Variants in MTUS2 observed in about 807,000 individuals in gnomAD.
MTUS2 encodes microtubule-associated tumor suppressor candidate 2.
MTUS2 carries 40 observed loss-of-function variants against 114.1 expected under a neutral mutation model. That is an observed-to-expected ratio of 0.35 (90% CI 0.27 to 0.46). The LOEUF (loss-of-function observed/expected upper bound fraction) is 0.46. Ranked by LOEUF, MTUS2 falls within the 20% of genes least tolerant of loss-of-function variation. The probability of loss-of-function intolerance (pLI) is 1.00; values close to 1 mark genes in which losing one functional copy is unlikely to be tolerated. For missense variants in MTUS2, 1,679 were observed against 1,705.4 expected, an observed-to-expected ratio of 0.98 and a Z score of 0.27; for synonymous variants, 688 against 672.0, an observed-to-expected ratio of 1.02 and a Z score of -0.37.
chr13:29,497,020 G>C (rs970809463), intron 12 of MTUS2, among the ~76,000 whole-genome samples: 1 of 152,112 alleles, frequency 6.6e-6, no homozygotes, highest in African/African-American at 2.4e-5. Flanking sequence ...TCCTGACAAA[G>C]CACTAAGAAG....
At chr13:28,976,292 G>T (rs1884103608) in intron 2 of MTUS2, among the ~76,000 whole-genome samples, 1 of 151,798 alleles carries the variant, frequency 6.6e-6, no homozygotes, top group Non-Finnish European at 1.5e-5. Context: ...CACAGCATGA[G>T]TTGAGGCAGA....
At chr13:29,495,339 CAG>C (rs1424518089) in intron 12 of MTUS2, among the ~76,000 whole-genome samples, 1 of 105,328 alleles carries the variant, frequency 9.5e-6, no homozygotes, top group African/African-American at 3.9e-5. Flanking sequence ...ACCTGGGTGA[CAG>C]AGTGAGTCTT....
chr13:29,067,363 G>T (rs1005866666), intron 4 of MTUS2, among the ~76,000 whole-genome samples: 1 of 152,110 alleles, frequency 6.6e-6, no homozygotes, highest in Non-Finnish European at 1.5e-5. Context: ...GGAGACACCA[G>T]GAAAATGTAG....
At chr13:29,091,638 G>A (rs979447426) in intron 4 of MTUS2, among the ~76,000 whole-genome samples, 6 of 152,158 alleles carry the variant, frequency 3.9e-5, no homozygotes, top group African/African-American at 1.4e-4. Flanking sequence ...AGTTGTCACA[G>A]GGTAATCTTT....
chr13:29,217,480 A>T (rs1305679476), intron 5 of MTUS2, among the ~76,000 whole-genome samples: 1 of 152,206 alleles, frequency 6.6e-6, no homozygotes, highest in Non-Finnish European at 1.5e-5. Flanking sequence ...CATTATGTCT[A>T]AAAAATATAC....
At chr13:28,993,489 C>T (rs1004882626) in intron 2 of MTUS2, among the ~76,000 whole-genome samples, 7 of 152,118 alleles carry the variant, frequency 4.6e-5, no homozygotes, top group African/African-American at 1.7e-4. Context: ...TAATTAGGTC[C>T]CTCTTGAGGG....
intron 8 of MTUS2, among the ~76,000 whole-genome samples, chr13:29,415,073 T>A (rs1039075017): frequency 2.0e-5 from 3 of 151,618 alleles, no homozygotes; most frequent in Admixed American, 6.6e-5. Flanking sequence ...ATAGGCTTCC[T>A]GAATTTTTCA....
rs1890209178 is a variant in MTUS2 at position 29,097,075 on chromosome 13, C to T, written c.2447-3698C>T. Among the ~76,000 whole-genome samples the T allele has an allele frequency of 2.6e-5, 4 of 152,224 alleles. No individual in the cohort carries two copies. In the South Asian group the frequency reaches 8.3e-4, roughly 32 times the overall value. ...AGAATTGGTGGTGGCCTGCCCATCC[C>T]AGGAAGATACTATAGTCCTTGACTC... On this transcript the variant is annotated intron_variant, in intron 4 of 15. Transcript: ENST00000612955.
At chr13:28,935,919 A>G (rs1881877651) in intron 2 of MTUS2, among the ~76,000 whole-genome samples, 1 of 151,964 alleles carries the variant, frequency 6.6e-6, no homozygotes, top group East Asian at 1.9e-4. Flanking sequence ...GCTAATTTTT[A>G]AACTTTTTGT....
intron 6 of MTUS2, among the ~76,000 whole-genome samples, chr13:29,313,653 A>T (rs1416254502): frequency 6.6e-6 from 1 of 152,228 alleles, no homozygotes; most frequent in Non-Finnish European, 1.5e-5. Context: ...ATGAAGCAAC[A>T]TATCAAGAAA....
At chr13:29,067,762 G>C (rs1386061091) in intron 4 of MTUS2, among the ~76,000 whole-genome samples, 3 of 152,132 alleles carry the variant, frequency 2.0e-5, no homozygotes, top group Non-Finnish European at 4.4e-5. Flanking sequence ...AGAGAAGTTG[G>C]TGAAAGGTAT....
chr13:29,491,929 TGGTA>T (rs1230049546), intron 11 of MTUS2, among the ~76,000 whole-genome samples: 4 of 139,992 alleles, frequency 2.9e-5, no homozygotes, highest in South Asian at 2.4e-4. Context: ...GATGTGTGTG[TGGTA>T]GGTGTGTGTG....
At chr13:29,283,903 G>C (rs1274047435) in intron 6 of MTUS2, among the ~76,000 whole-genome samples, 1 of 152,168 alleles carries the variant, frequency 6.6e-6, no homozygotes, top group African/African-American at 2.4e-5. Flanking sequence ...AAATCCAAAA[G>C]TTTGACAACA....
At chr13:29,311,692 G>A (rs1194522672) in intron 6 of MTUS2, among the ~76,000 whole-genome samples, 2 of 152,168 alleles carry the variant, frequency 1.3e-5, no homozygotes, top group African/African-American at 2.4e-5. Flanking sequence ...AGAAGCCAAA[G>A]ACAGTTTAAC....
chr13:29,248,042 A>G (rs1896989054), intron 5 of MTUS2, among the ~76,000 whole-genome samples: 1 of 152,280 alleles, frequency 6.6e-6, no homozygotes, highest in South Asian at 2.1e-4. Flanking sequence ...AATGTGACAT[A>G]TATGCCATGG....
chr13:29,228,646 A>G (rs867791071), intron 5 of MTUS2, among the ~76,000 whole-genome samples: 7 of 152,126 alleles, frequency 4.6e-5, no homozygotes, highest in Middle Eastern at 3.2e-3. Context: ...ATGCTTTGTA[A>G]CTAATATTAG....
upstream of MTUS2, among the ~76,000 whole-genome samples, chr13:28,820,073 G>A (rs1873779077): frequency 6.8e-6 from 1 of 147,006 alleles, no homozygotes; most frequent in Non-Finnish European, 1.5e-5. Flanking sequence ...GGCACCTCGC[G>A]GGCGAGGCGC....
intron 5 of MTUS2, 64 bp downstream of exon 5, chr13:29,101,034 G>C: frequency 7.0e-7 from 1 of 1,425,612 alleles, no homozygotes. Flanking sequence ...CTGTGTAACT[G>C]TGTGTCATTT....
chr13:29,212,649 C>T (rs1012556880), intron 5 of MTUS2, among the ~76,000 whole-genome samples: 46 of 152,238 alleles, frequency 3.0e-4, no homozygotes, highest in African/African-American at 1.1e-3. Context: ...ATCTTACTTA[C>T]ATTTACCAGT....
Sources: allele counts gnomAD v4.1 joint callset (sites outside exome capture counted in the v4.1 genomes callset), GRCh38; gene constraint gnomAD v4.1.1; transcripts MANE v1.5; gene names NCBI Gene and HGNC (gene_info 2026-07-23, HGNC 2026-07-21).